Variants in PRMT7 observed in about 807,000 individuals in gnomAD.
The protein encoded by PRMT7 is protein arginine N-methyltransferase 7.
Under a neutral mutation model 85.4 loss-of-function variants are expected in PRMT7, and 75 were observed. The observed-to-expected ratio is 0.88, with a 90% CI of 0.73 to 1.06. The LOEUF (loss-of-function observed/expected upper bound fraction) is 1.06, where lower values mean the gene tolerates loss of function less well. PRMT7 is among the 50% of genes least tolerant of loss of function. The pLI is 0.00. For synonymous variants in PRMT7, 397 were observed against 359.5 expected, an observed-to-expected ratio of 1.10 and a Z score of -1.18; for missense variants, 868 against 915.2, an observed-to-expected ratio of 0.95 and a Z score of 0.67.
At position 68,339,800 on chromosome 16, in the gene PRMT7, C is replaced by T. The variant is rs934891762; in HGVS notation, c.759C>T (p.Ser253=). The change falls in exon 9 of 19, where the codon AGC becomes AGT. Residue 253 remains serine (S), a synonymous_variant. Coordinates refer to ENST00000441236, the MANE Select transcript of PRMT7 (RefSeq NM_019023.5). ...TATTATTCCTCAGCATAGACTTCAG[C>T]AAGCAAGTCAGTAGCTCAGCAGCCT... is the stretch of plus-strand genomic sequence containing the variant. ...DVLPMFSIDF[S]KQVSSSAACH... 1 of 1,613,692 alleles carries T rather than the reference C, an allele frequency of 6.2e-7. No individual in the cohort carries two copies.
intron 4 of PRMT7, chr16:68,324,226 G>A (rs1049238608): frequency 6.0e-5 from 10 of 167,584 alleles, no homozygotes; most frequent in African/African-American, 9.6e-5. Context: ...GTCCAAGTAC[G>A]GCTGCAGCTC....
chr16:68,344,933 TACACAC>T (rs368385265), intron 9 of PRMT7, among the ~76,000 whole-genome samples: 4 of 131,122 alleles, frequency 3.1e-5, no homozygotes, highest in Admixed American at 7.9e-5. Context: ...CCTGCATCTC[TACACAC>T]ACACACACAC....
rs1297766295 is a variant in PRMT7 at position 68,348,367 on chromosome 16, ATAAAAT to A, written c.1353_1358del (p.Lys451_Ile452del). On this transcript the variant is annotated inframe_deletion, in exon 14 of 19. Transcript: ENST00000441236. ...ATCTTCAAGGCTAACCACTTGGAAG[ATAAAAT>A]TAACATCATAGAGAAACGGCCGGAA... The A allele has an allele frequency of 6.2e-7, 1 of 1,609,696 alleles. No homozygotes were observed.
At position 68,339,820 on chromosome 16, in the gene PRMT7, C is replaced by T. The variant is rs1245231949; in HGVS notation, c.779C>T (p.Ala260Val). ...TTCAGCAAGCAAGTCAGTAGCTCAG[C>T]AGCCTGCCATAGCAGGCGGTTTGAA... ...IDFSKQVSSS[A>V]ACHSRRFEPL... The change falls in exon 9 of 19, where the codon GCA becomes GTA. Residue 260 changes from alanine (A) to valine (V), a missense_variant. Ala to Val is a moderately conservative substitution (Grantham distance 64). Transcript: ENST00000441236. The T allele has an allele frequency of 6.2e-7, 1 of 1,614,092 alleles. No homozygotes were observed. The highest frequency in any genetic ancestry group is 8.5e-7 in the Non-Finnish European group (1 of 1,179,920).
Position 68,357,476 on chromosome 16 carries a change from T to G in PRMT7, c.*252T>G. 1 of 477,820 alleles carries G rather than the reference T, an allele frequency of 2.1e-6. No homozygotes were observed. Among genetic ancestry groups the G allele is most frequent in the Non-Finnish European group, 3.7e-6 (1 of 270,750 alleles). 29.6% of individuals were successfully genotyped at this position (477,820 alleles called of 1,614,324 possible). On this transcript the variant is annotated 3_prime_UTR_variant, in exon 19 of 19. Coordinates refer to ENST00000441236, the MANE Select transcript of PRMT7 (RefSeq NM_019023.5). ...CTGGGAAGACCCCCCTGCTTGTGCT[T>G]CTGAGGTGCTGAGAATGCTCCAACA...
intron 9 of PRMT7, 144 bp downstream of exon 9, chr16:68,340,112 C>G (rs2151741481): frequency 1.1e-6 from 1 of 909,144 alleles, no homozygotes. Context: ...TTTTAAAAAG[C>G]AAGCAAAGGC....
chr16:68,350,847 CAT>C (rs1415089044), intron 14 of PRMT7, among the ~76,000 whole-genome samples: 1 of 152,228 alleles, frequency 6.6e-6, no homozygotes, highest in African/African-American at 2.4e-5. Flanking sequence ...GCTGGCCTCT[CAT>C]GTGGCTTCAT....
At position 68,358,218 on chromosome 16, in the gene PRMT7, G is replaced by C. The variant is rs909338445; in HGVS notation, c.*994G>C. ...GTGTCCTCGGATTCAGGGCAGACTT[G>C]GGCAGTGCCTGTCCTGCAGTTGGGG... is the stretch of plus-strand genomic sequence containing the variant. On this transcript the variant is annotated 3_prime_UTR_variant, in exon 19 of 19. Transcript: ENST00000441236. The C allele has an allele frequency of 1.3e-5, 2 of 152,488 alleles. No homozygotes were observed. The highest frequency in any genetic ancestry group is 2.4e-5 in the African/African-American group (1 of 41,454). 9.4% of individuals were successfully genotyped at this position (152,488 alleles called of 1,614,324 possible). A position where few individuals can be genotyped will look rare whatever the true frequency, so the allele number is the denominator to read the frequency against.
intron 2 of PRMT7, among the ~76,000 whole-genome samples, chr16:68,313,306 C>A (rs753137598): frequency 1.8e-4 from 28 of 152,110 alleles, no homozygotes; most frequent in Non-Finnish European, 1.5e-5. Context: ...GGCACATGAA[C>A]ACCCAGTCAT....
intron 3 of PRMT7, among the ~76,000 whole-genome samples, chr16:68,316,643 TA>T (rs1230050743): frequency 6.6e-6 from 1 of 152,036 alleles, no homozygotes; most frequent in African/African-American, 2.4e-5. Context: ...CTCATGCCTG[TA>T]ATCCCAGCTT....
intron 4 of PRMT7, chr16:68,322,354 T>G: frequency 2.3e-6 from 1 of 443,778 alleles, no homozygotes; most frequent in Non-Finnish European, 4.5e-6. Context: ...CATGCCACCA[T>G]GCCTGGCTAA....
At chr16:68,343,643 C>T (rs1567709268) in intron 9 of PRMT7, among the ~76,000 whole-genome samples, 1 of 152,014 alleles carries the variant, frequency 6.6e-6, no homozygotes, top group Non-Finnish European at 1.5e-5. Context: ...TAGGAGGGGT[C>T]GGGAAAGGGT....
chr16:68,317,958 C>T (rs979447393), intron 3 of PRMT7, among the ~76,000 whole-genome samples: 6 of 151,952 alleles, frequency 3.9e-5, no homozygotes, highest in African/African-American at 9.7e-5. Context: ...AAAGCATACG[C>T]GGGGTCATTT....
At chr16:68,311,912 C>T (rs1195625119) in intron 1 of PRMT7, 130 bp from the exon 2 acceptor site, 6 of 152,292 alleles carry the variant, frequency 3.9e-5, no homozygotes, top group African/African-American at 1.4e-4. Flanking sequence ...GTATTACTCT[C>T]TCATTAGAGT....
chr16:68,355,441 C>T, intron 16 of PRMT7: 1 of 309,432 alleles, frequency 3.2e-6, no homozygotes, highest in East Asian at 5.4e-5. Context: ...GGTGTTCTCA[C>T]CAGTGATGTA....
chr16:68,343,370 G>A (rs1484548611), intron 9 of PRMT7, among the ~76,000 whole-genome samples: 1 of 152,202 alleles, frequency 6.6e-6, no homozygotes, highest in Non-Finnish European at 1.5e-5. Flanking sequence ...TCCAGGAGCA[G>A]TAGAGTGGGT....
At chr16:68,314,442 G>A (rs999434172) in intron 2 of PRMT7, among the ~76,000 whole-genome samples, 2 of 152,232 alleles carry the variant, frequency 1.3e-5, no homozygotes, top group African/African-American at 4.8e-5. Flanking sequence ...ATGTTGGCAA[G>A]GCTGGTCTTG....
intron 4 of PRMT7, chr16:68,324,069 G>C (rs2082813512): frequency 6.6e-6 from 1 of 152,372 alleles, no homozygotes; most frequent in African/African-American, 2.4e-5. Flanking sequence ...CCCAGCTGTG[G>C]GAGGGCTAGA....
At position 68,315,909 on chromosome 16, in the gene PRMT7, C is replaced by A; in HGVS notation, c.-71C>A. ...CTGATGTTAATAGATTTCTGACAGT[C>A]AGACTTGTCCACAAGAACTCAACTG... On this transcript the variant is annotated 5_prime_UTR_variant, in exon 3 of 19. Transcript: ENST00000441236. The A allele has an allele frequency of 1.6e-6, 2 of 1,259,402 alleles. No individual in the cohort carries two copies. Among genetic ancestry groups the A allele is most frequent in the South Asian group, 1.2e-5 (1 of 81,362 alleles). The allele number at this position is 1,259,402 out of a possible 1,614,324, so 78.0% of individuals were successfully genotyped here.
Sources: allele counts gnomAD v4.1 joint callset (sites outside exome capture counted in the v4.1 genomes callset), GRCh38; gene constraint gnomAD v4.1.1; transcripts MANE v1.5; gene names NCBI Gene and HGNC (gene_info 2026-07-23, HGNC 2026-07-21).